The following DLG2 variants were observed in gnomAD, a reference collection of about 807,000 sequenced individuals.
The protein encoded by DLG2 is disks large homolog 2.
A neutral mutation model predicts 132.5 loss-of-function variants in DLG2; 45 were observed. That is an observed-to-expected ratio of 0.34 (90% CI 0.27 to 0.44). DLG2 has a LOEUF of 0.44. Ranked by LOEUF, DLG2 falls within the 20% of genes least tolerant of loss-of-function variation. The pLI is 1.00. For synonymous variants in DLG2, 424 were observed against 419.6 expected, an observed-to-expected ratio of 1.01 and a Z score of -0.13; for missense variants, 1,045 against 1,196.9, an observed-to-expected ratio of 0.87 and a Z score of 1.87.
intron 7 of DLG2, among the ~76,000 whole-genome samples, chr11:84,477,533 T>G (rs140028224): frequency 9.3e-4 from 141 of 152,056 alleles, no homozygotes; most frequent in African/African-American, 3.3e-3. Context: ...GGCAACTTCC[T>G]CTCCAAAACC....
chr11:83,602,887 T>C (rs2153381154), intron 19 of DLG2, among the ~76,000 whole-genome samples: 1 of 151,776 alleles, frequency 6.6e-6, no homozygotes, highest in East Asian at 1.9e-4. Flanking sequence ...TAGAACAAAC[T>C]GAGGCAATAT....
At chr11:83,886,980 C>A (rs996166042) in intron 15 of DLG2, among the ~76,000 whole-genome samples, 9 of 151,728 alleles carry the variant, frequency 5.9e-5, no homozygotes, top group Admixed American at 1.3e-4. Context: ...GCACTAAATG[C>A]CCACAAGAGA....
At chr11:85,060,525 G>A (rs1249379536) in intron 6 of DLG2, among the ~76,000 whole-genome samples, 2 of 150,466 alleles carry the variant, frequency 1.3e-5, no homozygotes, top group East Asian at 3.9e-4. Context: ...GTGTATACAT[G>A]TATTTATATA....
intron 6 of DLG2, among the ~76,000 whole-genome samples, chr11:85,028,628 C>T (rs1277243709): frequency 6.6e-6 from 1 of 152,272 alleles, no homozygotes; most frequent in African/African-American, 2.4e-5. Context: ...GCAGCTGGGT[C>T]GCGACAGTGC....
chr11:85,439,205 T>C (rs1472161165), intron 3 of DLG2, among the ~76,000 whole-genome samples: 3 of 152,162 alleles, frequency 2.0e-5, no homozygotes, highest in African/African-American at 7.2e-5. Flanking sequence ...AAGAAAGTAT[T>C]CAACCTTTTC....
At chr11:84,232,726 C>T (rs2097109648) in intron 8 of DLG2, among the ~76,000 whole-genome samples, 1 of 152,198 alleles carries the variant, frequency 6.6e-6, no homozygotes, top group Non-Finnish European at 1.5e-5. Context: ...ACCCTGATCT[C>T]AGACTTCCCA....
At chr11:83,889,002 C>T (rs2068836641) in intron 15 of DLG2, among the ~76,000 whole-genome samples, 3 of 151,994 alleles carry the variant, frequency 2.0e-5, no homozygotes, top group Admixed American at 2.0e-4. Context: ...CCATAAAAAC[C>T]CTAGAAGAAA....
At chr11:85,165,803 A>G (rs187007798) in intron 4 of DLG2, among the ~76,000 whole-genome samples, 50 of 152,300 alleles carry the variant, frequency 3.3e-4, no homozygotes, top group African/African-American at 1.2e-3. Context: ...TGCAGTTTCC[A>G]TAAGGGCAGC....
intron 6 of DLG2, among the ~76,000 whole-genome samples, chr11:85,087,665 C>T (rs1003999870): frequency 1.3e-5 from 2 of 150,306 alleles, no homozygotes; most frequent in Non-Finnish European, 3.0e-5. Flanking sequence ...GGTGAAACCC[C>T]GTCTCTACTA....
chr11:83,501,565 T>G (rs2094454367), intron 21 of DLG2, among the ~76,000 whole-genome samples: 1 of 152,232 alleles, frequency 6.6e-6, no homozygotes, highest in African/African-American at 2.4e-5. Flanking sequence ...TGAGGATCTC[T>G]GAGGTTTCTT....
At chr11:84,779,498 C>A (rs2071323648) in intron 6 of DLG2, among the ~76,000 whole-genome samples, 1 of 152,096 alleles carries the variant, frequency 6.6e-6, no homozygotes, top group African/African-American at 2.4e-5. Context: ...AAGATCATAT[C>A]ATCAGCAAAC....
chr11:83,674,209 T>G (rs1443388383), intron 18 of DLG2, among the ~76,000 whole-genome samples: 1 of 152,176 alleles, frequency 6.6e-6, no homozygotes, highest in Non-Finnish European at 1.5e-5. Flanking sequence ...GGTTCCAGTG[T>G]GAAGCAGCTT....
At chr11:84,701,903 G>A (rs2059265375) in intron 6 of DLG2, among the ~76,000 whole-genome samples, 1 of 151,308 alleles carries the variant, frequency 6.6e-6, no homozygotes, top group South Asian at 2.1e-4. Context: ...CTCAGCTGTG[G>A]TCTCTATGTT....
intron 6 of DLG2, chr11:84,720,519 G>T: frequency 1.0e-6 from 1 of 982,882 alleles, no homozygotes; most frequent in African/African-American, 1.7e-5. Flanking sequence ...ACCCGCCGTG[G>T]CCATCCCGGA....
chr11:84,193,951 G>C (rs1472699640), intron 8 of DLG2, among the ~76,000 whole-genome samples: 1 of 152,120 alleles, frequency 6.6e-6, no homozygotes, highest in Non-Finnish European at 1.5e-5. Flanking sequence ...AGGACTGCTG[G>C]CGTATGGAAC....
At chr11:84,953,722 T>A (rs1394223094) in intron 6 of DLG2, among the ~76,000 whole-genome samples, 2 of 152,218 alleles carry the variant, frequency 1.3e-5, no homozygotes, top group African/African-American at 4.8e-5. Flanking sequence ...TTGCATACAA[T>A]ATGATGTCTC....
intron 6 of DLG2, among the ~76,000 whole-genome samples, chr11:85,024,178 T>C (rs1008217409): frequency 3.3e-5 from 5 of 152,094 alleles, no homozygotes; most frequent in African/African-American, 1.2e-4. Context: ...GAGACAGTTA[T>C]TGAAAAGTTA....
intron 7 of DLG2, among the ~76,000 whole-genome samples, chr11:84,366,787 T>C (rs1327581786): frequency 2.6e-5 from 4 of 152,090 alleles, no homozygotes; most frequent in Admixed American, 2.6e-4. Flanking sequence ...ATGCACCCAA[T>C]ACAGGAGCAC....
intron 6 of DLG2, among the ~76,000 whole-genome samples, chr11:85,091,080 T>C (rs1387953612): frequency 1.3e-5 from 2 of 152,182 alleles, no homozygotes; most frequent in Non-Finnish European, 2.9e-5. Context: ...AAGCCACTCA[T>C]GATAGATTTG....
Sources: allele counts gnomAD v4.1 joint callset (sites outside exome capture counted in the v4.1 genomes callset), GRCh38; gene constraint gnomAD v4.1.1; transcripts MANE v1.5; gene names NCBI Gene and HGNC (gene_info 2026-07-23, HGNC 2026-07-21).